The following IL1RAPL2 variants were observed in gnomAD, a reference collection of about 807,000 sequenced individuals.
The protein encoded by IL1RAPL2 is X-linked interleukin-1 receptor accessory protein-like 2.
Under a neutral mutation model 44.1 loss-of-function variants are expected in IL1RAPL2, and 3 were observed. The ratio of observed to expected loss-of-function variants is 0.07; its 90% CI spans 0.03 to 0.18. The LOEUF (loss-of-function observed/expected upper bound fraction) is 0.18, where lower values mean the gene tolerates loss of function less well. IL1RAPL2 is among the 10% of genes least tolerant of loss of function. The pLI, the probability that IL1RAPL2 is intolerant of heterozygous loss-of-function variation, is 1.00. For missense variants in IL1RAPL2, 391 were observed against 496.4 expected (o/e 0.79, Z 2.02); for synonymous variants, 181 against 178.8 (o/e 1.01, Z -0.10).
At chrX:104,676,851 T>G (rs943353957) in intron 2 of IL1RAPL2, among the ~76,000 whole-genome samples, 68 of 112,105 alleles carry the variant, frequency 6.1e-4, no homozygotes, top group Admixed American at 9.5e-4. Context: ...TCATTCATTT[T>G]ATCTTCCATC....
chrX:105,527,533 A>G (rs2147791701), intron 6 of IL1RAPL2, among the ~76,000 whole-genome samples: 1 of 109,944 alleles, frequency 9.1e-6, no homozygotes, highest in South Asian at 4.0e-4. Flanking sequence ...AGTTACCCTT[A>G]GGGCAACTAT....
intron 6 of IL1RAPL2, among the ~76,000 whole-genome samples, chrX:105,702,330 A>C (rs1266892820): frequency 9.0e-6 from 1 of 111,501 alleles, no homozygotes; most frequent in Non-Finnish European, 1.9e-5. Context: ...GGGTAGATGC[A>C]AGGCACAAAG....
At chrX:105,589,887 A>T (rs1296312431) in intron 6 of IL1RAPL2, among the ~76,000 whole-genome samples, 1 of 111,744 alleles carries the variant, frequency 8.9e-6, no homozygotes, top group African/African-American at 3.3e-5. Flanking sequence ...TGAATTTTAG[A>T]ATACTTTTTT....
chrX:105,570,835 T>C (rs2037009702), intron 6 of IL1RAPL2, among the ~76,000 whole-genome samples: 1 of 111,654 alleles, frequency 9.0e-6, no homozygotes, highest in Non-Finnish European at 1.9e-5. Flanking sequence ...GAGAAGAACA[T>C]GGCAGTGATC....
At chrX:105,731,677 C>T (rs1386475712) in intron 7 of IL1RAPL2, among the ~76,000 whole-genome samples, 1 of 110,122 alleles carries the variant, frequency 9.1e-6, no homozygotes, top group Non-Finnish European at 1.9e-5. Flanking sequence ...GGATGGAACT[C>T]GAAGTCATTA....
At chrX:104,847,296 A>G (rs1922081260) in intron 2 of IL1RAPL2, among the ~76,000 whole-genome samples, 1 of 111,786 alleles carries the variant, frequency 8.9e-6, no homozygotes, top group Admixed American at 9.5e-5. Context: ...GGTAATGCCT[A>G]GGTTTTCTCT....
chrX:105,333,104 G>A (rs1407685040), intron 5 of IL1RAPL2, among the ~76,000 whole-genome samples: 3 of 111,476 alleles, frequency 2.7e-5, no homozygotes, highest in Non-Finnish European at 3.8e-5. Context: ...CACACTACCT[G>A]ACTTCAAATT....
At chrX:104,634,215 G>C (rs1297108925) in intron 1 of IL1RAPL2, among the ~76,000 whole-genome samples, 1 of 111,511 alleles carries the variant, frequency 9.0e-6, no homozygotes, top group Non-Finnish European at 1.9e-5. Flanking sequence ...GAGACAGTTT[G>C]TTATAATTTC....
At chrX:105,151,513 G>A (rs2033227368) in intron 2 of IL1RAPL2, among the ~76,000 whole-genome samples, 1 of 107,046 alleles carries the variant, frequency 9.3e-6, no homozygotes, top group South Asian at 4.0e-4. Flanking sequence ...AGGTTTTTCT[G>A]TTTTTTTTTG....
At chrX:105,289,517 G>C (rs935509870) in intron 5 of IL1RAPL2, among the ~76,000 whole-genome samples, 1 of 111,780 alleles carries the variant, frequency 8.9e-6, no homozygotes, top group Non-Finnish European at 1.9e-5. Context: ...GGAATTAAAA[G>C]TTGTAGAGTT....
chrX:105,621,688 G>A (rs1299264542), intron 6 of IL1RAPL2, among the ~76,000 whole-genome samples: 1 of 111,483 alleles, frequency 9.0e-6, no homozygotes, highest in African/African-American at 3.3e-5. Context: ...AGGGGGATAT[G>A]TATAGAATCT....
At chrX:105,639,232 C>T (rs2037546676) in intron 6 of IL1RAPL2, among the ~76,000 whole-genome samples, 2 of 111,672 alleles carry the variant, frequency 1.8e-5, no homozygotes, top group Admixed American at 9.6e-5. Context: ...TATCAATTTA[C>T]TATTTGAAAT....
chrX:104,951,824 A>G (rs753685666), intron 2 of IL1RAPL2, among the ~76,000 whole-genome samples: 4 of 112,504 alleles, frequency 3.6e-5, no homozygotes, highest in East Asian at 5.6e-4. Context: ...GTGCCTGGCT[A>G]TGGTAAGCAC....
chrX:105,455,089 C>T (rs2036045936), intron 5 of IL1RAPL2, among the ~76,000 whole-genome samples: 2 of 111,567 alleles, frequency 1.8e-5, no homozygotes, highest in African/African-American at 6.5e-5. Context: ...CTGTAACAGA[C>T]CTCAAAGCAA....
At chrX:104,732,192 AAGG>A (rs1602702268) in intron 2 of IL1RAPL2, among the ~76,000 whole-genome samples, 2 of 111,848 alleles carry the variant, frequency 1.8e-5, no homozygotes, top group East Asian at 5.6e-4. Flanking sequence ...TGTGTAAGAG[AAGG>A]AGAACTAACA....
chrX:104,874,059 G>T (rs1019893008), intron 2 of IL1RAPL2, among the ~76,000 whole-genome samples: 1 of 110,485 alleles, frequency 9.1e-6, no homozygotes, highest in Non-Finnish European at 1.9e-5. Context: ...CTTTGATGCT[G>T]CCAGGATACA....
chrX:105,277,691 G>A (rs1270270916), intron 5 of IL1RAPL2, among the ~76,000 whole-genome samples: 1 of 111,152 alleles, frequency 9.0e-6, no homozygotes, highest in African/African-American at 3.3e-5. Context: ...CATAACTAAT[G>A]GTGGGAATTT....
At chrX:104,818,707 A>C (rs1414909903) in intron 2 of IL1RAPL2, among the ~76,000 whole-genome samples, 4 of 111,589 alleles carry the variant, frequency 3.6e-5, no homozygotes, top group Non-Finnish European at 7.5e-5. Flanking sequence ...GGTTATGAAG[A>C]TGCATAGAAA....
At position 104,855,681 on chromosome X, in the gene IL1RAPL2, G is replaced by GTTTTTTT. The variant is rs1556002120; in HGVS notation, c.82+196697_82+196703dup. On this transcript the variant is annotated intron_variant, in intron 2 of 10. Coordinates refer to ENST00000372582, the MANE Select transcript of IL1RAPL2 (RefSeq NM_017416.2). ...TTAACTGTGCTAAGGATCTGGATCC[G>GTTTTTTT]TTTTTTTTTTTTTTTTTACTGTATC... Among the ~76,000 whole-genome samples, 54 of 53,861 alleles carry GTTTTTTT rather than the reference G, an allele frequency of 1.0e-3. 5 individuals are homozygous for GTTTTTTT. Among genetic ancestry groups the GTTTTTTT allele is most frequent in the African/African-American group, 3.1e-3 (52 of 16,523 alleles). The allele number at this position is 53,861 out of a possible 115,157, so 46.8% of individuals were successfully genotyped here.
Sources: allele counts gnomAD v4.1 joint callset (sites outside exome capture counted in the v4.1 genomes callset), GRCh38; gene constraint gnomAD v4.1.1; transcripts MANE v1.5; gene names NCBI Gene and HGNC (gene_info 2026-07-23, HGNC 2026-07-21).